NBAS: variants seen among roughly 807,000 people sequenced by gnomAD.
The protein encoded by NBAS is NBAS subunit of NRZ tethering complex, also known as NAG/BC035112 fusion.
NBAS carries 219 observed loss-of-function variants against 302.5 expected under a neutral mutation model. The ratio of observed to expected loss-of-function variants is 0.72; its 90% CI spans 0.65 to 0.81. The LOEUF is 0.81. Ranked by LOEUF, NBAS falls within the 30% of genes least tolerant of loss-of-function variation. The pLI is 0.00. For synonymous variants in NBAS, 1,118 were observed against 1,021.6 expected, an observed-to-expected ratio of 1.09 and a Z score of -1.80; for missense variants, 2,932 against 2,841.6, an observed-to-expected ratio of 1.03 and a Z score of -0.72.
At chr2:15,250,826 T>C (rs898134486) in intron 44 of NBAS, among the ~76,000 whole-genome samples, 13 of 152,126 alleles carry the variant, frequency 8.5e-5, no homozygotes, top group Admixed American at 4.6e-4. Context: ...CTGGAGAGGA[T>C]GTGGAGAAAT....
At chr2:14,896,263 T>C in the NBAS span, among the ~76,000 whole-genome samples, 2 of 152,194 alleles carry the variant, frequency 1.3e-5, no homozygotes, top group African/African-American at 4.8e-5. Flanking sequence ...TTAGAGGCCT[T>C]TCTTCAGCTC....
At chr2:14,854,708 T>C in the NBAS span, among the ~76,000 whole-genome samples, 38 of 152,060 alleles carry the variant, frequency 2.5e-4, no homozygotes, top group African/African-American at 7.7e-4. Context: ...TGGACCAAAC[T>C]CAGCTGATGC....
chr2:14,794,304 G>A, the NBAS span, among the ~76,000 whole-genome samples: 799 of 152,256 alleles, frequency 5.2e-3, 4 homozygotes, highest in African/African-American at 0.018. Context: ...GATTTAGCTC[G>A]TCATGTTTTT....
At chr2:14,806,744 A>T in the NBAS span, among the ~76,000 whole-genome samples, 2 of 152,378 alleles carry the variant, frequency 1.3e-5, no homozygotes, top group East Asian at 3.9e-4. Flanking sequence ...CTCTAAAGGG[A>T]GGAAAATCGG....
chr2:15,294,517 A>T (rs1405396344), intron 40 of NBAS, among the ~76,000 whole-genome samples: 1 of 152,128 alleles, frequency 6.6e-6, no homozygotes, highest in Non-Finnish European at 1.5e-5. Flanking sequence ...TCCCTTTTCT[A>T]TCTGTTGGCC....
chr2:15,445,677 T>G, intron 21 of NBAS, among the ~76,000 whole-genome samples: 1 of 151,534 alleles, frequency 6.6e-6, no homozygotes, highest in Non-Finnish European at 1.5e-5. Context: ...ATTTTTAAAT[T>G]TACTTTCAAC....
the NBAS span, among the ~76,000 whole-genome samples, chr2:14,804,054 G>A: frequency 1.3e-5 from 2 of 152,072 alleles, no homozygotes. Flanking sequence ...GTTAATTCAT[G>A]GATTTTGTAT....
At chr2:14,926,687 T>A in the NBAS span, among the ~76,000 whole-genome samples, 2 of 152,198 alleles carry the variant, frequency 1.3e-5, no homozygotes, top group African/African-American at 4.8e-5. Flanking sequence ...CACACTGTTT[T>A]GCAACCATCA....
At chr2:15,513,889 G>A (rs1662263337) in intron 9 of NBAS, among the ~76,000 whole-genome samples, 1 of 151,990 alleles carries the variant, frequency 6.6e-6, no homozygotes, top group African/African-American at 2.4e-5. Flanking sequence ...GGGAGGATGA[G>A]GTGGGAGAAT....
the NBAS span, among the ~76,000 whole-genome samples, chr2:14,911,863 C>G: frequency 6.6e-6 from 1 of 152,194 alleles, no homozygotes; most frequent in African/African-American, 2.4e-5. Context: ...AGTGACACTA[C>G]CTAACATATA....
At chr2:15,156,801 A>ATG in the NBAS span, among the ~76,000 whole-genome samples, 2 of 152,330 alleles carry the variant, frequency 1.3e-5, no homozygotes. Context: ...TATCTTTCCA[A>ATG]GCACAGACCC....
chr2:15,408,127 G>T (rs1676509253), intron 25 of NBAS, among the ~76,000 whole-genome samples: 1 of 152,148 alleles, frequency 6.6e-6, no homozygotes, highest in South Asian at 2.1e-4. Context: ...AGCCCCTTTT[G>T]CCAGGTAAGG....
At chr2:15,297,878 G>A (rs1305062342) in intron 40 of NBAS, among the ~76,000 whole-genome samples, 3 of 151,800 alleles carry the variant, frequency 2.0e-5, no homozygotes, top group African/African-American at 7.3e-5. Flanking sequence ...GTGTGTGTCT[G>A]TGTGTGTGTG....
chr2:14,875,173 GAAAAT>G, the NBAS span, among the ~76,000 whole-genome samples: 1 of 152,014 alleles, frequency 6.6e-6, no homozygotes, highest in Non-Finnish European at 1.5e-5. Context: ...TTAGAAAAGA[GAAAAT>G]AAACTGTATT....
At chr2:15,427,481 AGTT>A (rs1426206484) in intron 22 of NBAS, among the ~76,000 whole-genome samples, 1 of 152,226 alleles carries the variant, frequency 6.6e-6, no homozygotes, top group African/African-American at 2.4e-5. Context: ...AAATGAAAAC[AGTT>A]GTTGTAATAA....
chr2:14,907,994 G>A, the NBAS span, among the ~76,000 whole-genome samples: 4 of 152,184 alleles, frequency 2.6e-5, no homozygotes, highest in Non-Finnish European at 1.5e-5. Context: ...AGCATCACCT[G>A]GAAACTCATT....
chr2:14,940,933 T>C, the NBAS span, among the ~76,000 whole-genome samples: 2 of 152,368 alleles, frequency 1.3e-5, no homozygotes, highest in Non-Finnish European at 2.9e-5. Context: ...TGGTAAATCC[T>C]CTTTTTATCT....
downstream of NBAS, among the ~76,000 whole-genome samples, chr2:15,166,737 G>T (rs2241348): frequency 1.3e-5 from 2 of 151,762 alleles, no homozygotes; most frequent in Non-Finnish European, 2.9e-5. Flanking sequence ...CCATCCACCA[G>T]CACATCCAAC....
chr2:15,199,826 G>T (rs999871151), intron 48 of NBAS, among the ~76,000 whole-genome samples: 4 of 151,648 alleles, frequency 2.6e-5, no homozygotes, highest in Non-Finnish European at 5.9e-5. Context: ...TGCATAGTAG[G>T]CACACAGGAA....
Sources: allele counts gnomAD v4.1 joint callset (sites outside exome capture counted in the v4.1 genomes callset), GRCh38; gene constraint gnomAD v4.1.1; transcripts MANE v1.5; gene names NCBI Gene and HGNC (gene_info 2026-07-23, HGNC 2026-07-21).